Variants in TMEM268 observed in about 807,000 individuals in gnomAD.
TMEM268 encodes transmembrane protein 268.
TMEM268 carries 24 observed loss-of-function variants against 39.1 expected under a neutral mutation model. The ratio of observed to expected loss-of-function variants is 0.61; its 90% CI spans 0.44 to 0.86. The LOEUF (loss-of-function observed/expected upper bound fraction) is 0.86, where lower values mean the gene tolerates loss of function less well. Ranked by LOEUF, TMEM268 falls within the 40% of genes least tolerant of loss-of-function variation. The pLI, the probability that TMEM268 is intolerant of heterozygous loss-of-function variation, is 0.00. For missense variants in TMEM268, 409 were observed against 428.6 expected (o/e 0.95, Z 0.40); for synonymous variants, 176 against 173.5 (o/e 1.01, Z -0.12).
intron 6 of TMEM268, among the ~76,000 whole-genome samples, chr9:114,634,199 G>A (rs1410109463): frequency 6.6e-6 from 1 of 152,188 alleles, no homozygotes; most frequent in Non-Finnish European, 1.5e-5. Flanking sequence ...GGACACTGGC[G>A]ACATTGAGGG....
At chr9:114,609,588 G>A (rs1206754927), upstream of TMEM268, among the ~76,000 whole-genome samples, 3 of 151,802 alleles carry the variant, frequency 2.0e-5, no homozygotes, top group African/African-American at 7.3e-5. Flanking sequence ...GAGAGGCTGA[G>A]GTGGGAGGAT....
chr9:114,637,001 C>T lies in TMEM268; in HGVS notation c.597C>T (p.Val199=). ...GCTTCTCCCCACAGCTTTGGTTTGTCTACTTCGACCTGGAGAACTGTGTGC... is the reference window on the plus strand; with the variant it reads ...GCTTCTCCCCACAGCTTTGGTTTGTTTACTTCGACCTGGAGAACTGTGTGC... The part of the protein sequence containing the change: ...GCQSVIQLWF[V]YFDLENCVQF... Residue 199 remains valine, a synonymous_variant, in exon 7 of 9, where the codon GTC becomes GTT. Coordinates refer to ENST00000288502, the MANE Select transcript of TMEM268 (RefSeq NM_153045.4). 6.2e-7 allele frequency: 1 copy of T among 1,613,238 alleles called. No individual in the cohort carries two copies. Among genetic ancestry groups the T allele is most frequent in the Non-Finnish European group, 8.5e-7 (1 of 1,179,312 alleles).
chr9:114,643,555 C>T lies in TMEM268; in HGVS notation c.*242C>T, dbSNP rs1463635854. The T allele has an allele frequency of 6.0e-6, 3 of 504,154 alleles. No individual in the cohort carries two copies. Among genetic ancestry groups the T allele is most frequent in the Non-Finnish European group, 1.1e-5 (3 of 279,644 alleles). 31.2% of individuals were successfully genotyped at this position (504,154 alleles called of 1,614,324 possible). Reference sequence around the variant, plus strand: ...AGAAGCTGATGGTTACAGAGCTAGTCCCACCAAAGCTACTCTCTCTGCTGC... The same window carrying T: ...AGAAGCTGATGGTTACAGAGCTAGTTCCACCAAAGCTACTCTCTCTGCTGC... On this transcript the variant is annotated 3_prime_UTR_variant, in exon 9 of 9. Coordinates refer to ENST00000288502, the MANE Select transcript of TMEM268 (RefSeq NM_153045.4).
At chr9:114,607,807 CAGGT>C (rs1845386703), upstream of TMEM268, among the ~76,000 whole-genome samples, 1 of 152,052 alleles carries the variant, frequency 6.6e-6, no homozygotes, top group African/African-American at 2.4e-5. Flanking sequence ...GTTGGTTCGT[CAGGT>C]AGAACGATGG....
intron 1 of TMEM268, 110 bp downstream of exon 1, chr9:114,611,674 C>G (rs892449089): frequency 2.6e-5 from 4 of 152,836 alleles, no homozygotes; most frequent in South Asian, 3.6e-4. Flanking sequence ...GGCCTGCGTT[C>G]GGGCCAGACG....
At chr9:114,624,864 C>A (rs908953130) in intron 3 of TMEM268, among the ~76,000 whole-genome samples, 1 of 152,184 alleles carries the variant, frequency 6.6e-6, no homozygotes, top group African/African-American at 2.4e-5. Flanking sequence ...GGGAAGAGGG[C>A]AGTGGTTGTG....
intron 6 of TMEM268, among the ~76,000 whole-genome samples, chr9:114,635,489 G>A (rs987888371): frequency 7.2e-5 from 11 of 152,112 alleles, no homozygotes; most frequent in African/African-American, 2.7e-4. Flanking sequence ...CCAGCAGCCT[G>A]GGCAACATGG....
chr9:114,617,418 T>C, intron 2 of TMEM268, 117 bp downstream of exon 2: 1 of 795,030 alleles, frequency 1.3e-6, no homozygotes, highest in Non-Finnish European at 2.1e-6. Flanking sequence ...GGCCATATTC[T>C]GTCATTTTTA....
At chr9:114,605,728 C>T in the TMEM268 span, among the ~76,000 whole-genome samples, 6 of 152,026 alleles carry the variant, frequency 3.9e-5, no homozygotes, top group African/African-American at 1.4e-4. Context: ...CGATGCCAGA[C>T]TGGGCAACAG....
At chr9:114,624,527 C>A (rs1846080663) in intron 3 of TMEM268, 68 bp downstream of exon 3, 1 of 1,529,494 alleles carries the variant, frequency 6.5e-7, no homozygotes, top group Non-Finnish European at 8.8e-7. Flanking sequence ...ATCTTTTCAT[C>A]CAGTTTTTCA....
chr9:114,625,443 CTTTTTTTT>C (rs34082825), intron 3 of TMEM268, among the ~76,000 whole-genome samples: 2 of 121,748 alleles, frequency 1.6e-5, no homozygotes, highest in Admixed American at 8.5e-5. Context: ...ACTTCTTCTT[CTTTTTTTT>C]TTTTTTTTTT....
chr9:114,622,953 G>A (rs1846004882), intron 2 of TMEM268, among the ~76,000 whole-genome samples: 1 of 151,914 alleles, frequency 6.6e-6, no homozygotes, highest in Non-Finnish European at 1.5e-5. Context: ...AGCCAGGCAT[G>A]GTGGTGCATG....
intron 2 of TMEM268, chr9:114,622,113 G>A (rs990610073): frequency 2.0e-6 from 2 of 985,400 alleles, no homozygotes; most frequent in African/African-American, 1.7e-5. Context: ...GCAGGGCTTG[G>A]TGATACATTG....
chr9:114,611,790 G>A (rs943755229), intron 1 of TMEM268, among the ~76,000 whole-genome samples: 5 of 152,208 alleles, frequency 3.3e-5, no homozygotes, highest in African/African-American at 1.2e-4. Context: ...CCTCCTGGGG[G>A]CCCGCGGTTG....
Position 114,611,533 on chromosome 9 carries a change from TGGCGGC to T in TMEM268, c.-90_-85del, listed in dbSNP as rs3035396. 146 of 163,584 alleles carry T rather than the reference TGGCGGC, an allele frequency of 8.9e-4. 2 individuals carry two copies. The highest frequency in any genetic ancestry group is 2.3e-3 in the African/African-American group (94 of 40,568). The allele number at this position is 163,584 out of a possible 1,614,324, so 10.1% of individuals were successfully genotyped here. ...GCCCCCGACCTTCCGCGTCCCGGGG[TGGCGGC>T]GGCGGCGGCGGCGGCGGCGCGGGCG... On this transcript the variant is annotated 5_prime_UTR_variant, in exon 1 of 9. Coordinates refer to ENST00000288502, the MANE Select transcript of TMEM268 (RefSeq NM_153045.4).
chr9:114,620,800 A>G (rs1170750694), intron 2 of TMEM268, among the ~76,000 whole-genome samples: 3 of 152,110 alleles, frequency 2.0e-5, no homozygotes, highest in Non-Finnish European at 2.9e-5. Context: ...AAACAGGCCC[A>G]TGGGTTTAAG....
the TMEM268 span, among the ~76,000 whole-genome samples, chr9:114,603,925 G>A: frequency 1.3e-5 from 2 of 152,098 alleles, no homozygotes; most frequent in South Asian, 4.2e-4. Context: ...TGGGATTATG[G>A]ATGTGAGCCA....
upstream of TMEM268, among the ~76,000 whole-genome samples, chr9:114,609,750 AG>A (rs1845424505): frequency 5.6e-5 from 3 of 53,278 alleles, no homozygotes; most frequent in African/African-American, 1.9e-4. Context: ...AAGGAAAGAA[AG>A]AAAGAAAGAA....
intron 2 of TMEM268, among the ~76,000 whole-genome samples, chr9:114,618,228 C>T (rs1310119498): frequency 1.2e-4 from 19 of 152,188 alleles, no homozygotes; most frequent in Non-Finnish European, 1.5e-5. Flanking sequence ...AGTTTCTGCT[C>T]AGTGTTTTCC....
Sources: allele counts gnomAD v4.1 joint callset (sites outside exome capture counted in the v4.1 genomes callset), GRCh38; gene constraint gnomAD v4.1.1; transcripts MANE v1.5; gene names NCBI Gene and HGNC (gene_info 2026-07-23, HGNC 2026-07-21).